G3BP1: variants seen among roughly 807,000 people sequenced by gnomAD.
The protein encoded by G3BP1 is G3BP stress granule assembly factor 1.
In G3BP1, 35 loss-of-function variants were observed where a neutral mutation model predicts 58.6. The ratio of observed to expected loss-of-function variants is 0.60; its 90% CI spans 0.46 to 0.79. The LOEUF (loss-of-function observed/expected upper bound fraction) is 0.79. Ranked by LOEUF, G3BP1 falls within the 30% of genes least tolerant of loss-of-function variation. The pLI is 0.00. For synonymous variants in G3BP1, 191 were observed against 195.4 expected (o/e 0.98, Z 0.19); for missense variants, 523 against 580.8 (o/e 0.90, Z 1.02).
rs189806161 is a variant in G3BP1 at position 151,810,008 on chromosome 5, C to G, written c.*5917C>G. On this transcript the variant is annotated 3_prime_UTR_variant, in exon 12 of 12. Transcript: ENST00000356245. ...CAGCTGTAATTTCTCCTAAATACTT[C>G]AGCATTTTGCATTCTGTACATTGTG... 9 of 152,300 alleles carry G rather than the reference C, an allele frequency of 5.9e-5. No individual in the cohort carries two copies. Among genetic ancestry groups the G allele is most frequent in the Admixed American group, 5.2e-4 (8 of 15,310 alleles). The allele number at this position is 152,300 out of a possible 1,614,324, so 9.4% of individuals were successfully genotyped here. A position where few individuals can be genotyped will look rare whatever the true frequency, so the allele number is the denominator to read the frequency against.
chr5:151,798,143 TAATAGGTG>T lies in G3BP1; in HGVS notation c.741+717_741+724del, dbSNP rs147610364. 3.8e-3 allele frequency among the ~76,000 whole-genome samples: 582 copies of T among 152,324 alleles called. 6 individuals carry two copies. Among genetic ancestry groups the T allele is most frequent in the African/African-American group, 0.013 (539 of 41,580 alleles). ...ATAGGGGTTCTTGTTCTCTGGCAGC[TAATAGGTG>T]AGTAGGAAAGAGCAATGTTGAAATG... On this transcript the variant is annotated intron_variant, in intron 7 of 11. Transcript: ENST00000356245.
At chr5:151,772,757 G>T (rs1561528524) in intron 1 of G3BP1, 1 of 152,276 alleles carries the variant, frequency 6.6e-6, no homozygotes. Context: ...GCGGGGATTT[G>T]TTGACGCCGG....
intron 1 of G3BP1, among the ~76,000 whole-genome samples, chr5:151,774,131 C>T (rs144791752): frequency 1.3e-3 from 205 of 152,330 alleles, no homozygotes; most frequent in Middle Eastern, 0.01. Flanking sequence ...GGCTGCCCTA[C>T]ATCCCTACCA....
chr5:151,772,284 C>T (rs1762280519), intron 1 of G3BP1: 1 of 151,480 alleles, frequency 6.6e-6, no homozygotes, highest in Admixed American at 6.6e-5. Flanking sequence ...CGTCCAACGG[C>T]CTCGCGGGGC....
rs1416403890 is a variant in G3BP1, at chr5:151,806,610, G to A, written c.*2519G>A. On this transcript the variant is annotated 3_prime_UTR_variant, in exon 12 of 12. Coordinates refer to ENST00000356245, the MANE Select transcript of G3BP1 (RefSeq NM_005754.3). ...TGTAGAGTAAACCTGAGAGCTTAGA[G>A]ATGTATACGTTTCCACTGCTGGAAA... 1 of 152,200 alleles carries A rather than the reference G, an allele frequency of 6.6e-6. No homozygotes were observed. The highest frequency in any genetic ancestry group is 1.5e-5 in the Non-Finnish European group (1 of 68,050). 9.4% of individuals were successfully genotyped at this position (152,200 alleles called of 1,614,324 possible). A position where few individuals can be genotyped will look rare whatever the true frequency, so the allele number is the denominator to read the frequency against.
Position 151,800,238 on chromosome 5 carries a change from G to T in G3BP1, c.976G>T (p.Gly326Cys). Reference sequence around the variant, plus strand: ...TTAAGTCCGTGAGGCTGGTGAGCAAGGTGACATTGAACCCCGAAGAATGGT... The same window carrying T: ...TTAAGTCCGTGAGGCTGGTGAGCAATGTGACATTGAACCCCGAAGAATGGT... ...PRPIREAGEQ[G>C]DIEPRRMVRH... is the part of the protein sequence containing the mutation. The change falls in exon 10 of 12, where the codon GGT becomes TGT. Residue 326 changes from glycine to cysteine, a missense_variant. Gly to Cys is a radical substitution (Grantham distance 159). Around this residue, in one of 2 missense-constraint regions of G3BP1, gnomAD observed 398 missense variants for 399.1 expected, o/e 1.00. Coordinates refer to ENST00000356245, the MANE Select transcript of G3BP1 (RefSeq NM_005754.3). 1 of 1,612,782 alleles carries T rather than the reference G, an allele frequency of 6.2e-7. No homozygotes were observed. The highest frequency in any genetic ancestry group is 1.3e-5 in the African/African-American group (1 of 75,002).
intron 11 of G3BP1, among the ~76,000 whole-genome samples, chr5:151,802,671 C>T (rs113432440): frequency 3.5e-4 from 54 of 152,312 alleles, no homozygotes; most frequent in African/African-American, 1.3e-3. Flanking sequence ...CAGTGGCTCA[C>T]GCCTGTAATC....
At chr5:151,796,546 G>A (rs1439532838) in intron 6 of G3BP1, among the ~76,000 whole-genome samples, 2 of 152,192 alleles carry the variant, frequency 1.3e-5, no homozygotes, top group East Asian at 3.8e-4. Context: ...GGGATTACAG[G>A]TGTGTGCCCA....
At chr5:151,782,099 C>T (rs528090168) in intron 1 of G3BP1, among the ~76,000 whole-genome samples, 1 of 152,000 alleles carries the variant, frequency 6.6e-6, no homozygotes, top group East Asian at 1.9e-4. Flanking sequence ...AAATGGTTTT[C>T]TTCTTTATAG....
chr5:151,800,972 A>G (rs1041201158), intron 11 of G3BP1, 103 bp downstream of exon 11: 58 of 608,952 alleles, frequency 9.5e-5, no homozygotes, highest in Middle Eastern at 8.6e-4. Flanking sequence ...AGTGCAGTTT[A>G]TTCCAACATG....
At chr5:151,787,828 G>T (rs1169667394) in intron 2 of G3BP1, 1 of 231,396 alleles carries the variant, frequency 4.3e-6, no homozygotes. Flanking sequence ...TATTCAATAT[G>T]AATATTTTCA....
At position 151,778,502 on chromosome 5, in the gene G3BP1, C is replaced by T. The variant is rs184843846; in HGVS notation, c.-50+6466C>T. Among the ~76,000 whole-genome samples the T allele has an allele frequency of 3.0e-4, 46 of 152,148 alleles. No homozygotes were observed. In the East Asian group the frequency reaches 8.3e-3, roughly 28 times the overall value. ...TGTTGCCCGGGCTGGAGTGCAGTGGCGCCATCTCTGCTCACTACAACCTCT... is the reference window on the plus strand; with the variant it reads ...TGTTGCCCGGGCTGGAGTGCAGTGGTGCCATCTCTGCTCACTACAACCTCT... On this transcript the variant is annotated intron_variant, in intron 1 of 11. Coordinates refer to ENST00000356245, the MANE Select transcript of G3BP1 (RefSeq NM_005754.3).
Position 151,800,019 on chromosome 5 carries a change from G to T in G3BP1, c.955+19G>T, listed in dbSNP as rs201289819. ...AGACCAAGTAAGAGCTCAGAAGGGC[G>T]ATTTCTCGTTTGGGGGATTTTGAGG... On this transcript the variant is annotated intron_variant, in intron 9 of 11. Coordinates refer to ENST00000356245, the MANE Select transcript of G3BP1 (RefSeq NM_005754.3). The T allele has an allele frequency of 7.4e-6, 11 of 1,483,438 alleles. No individual in the cohort carries two copies. The highest frequency in any genetic ancestry group is 4.2e-5 in the African/African-American group (3 of 71,972). The allele number at this position is 1,483,438 out of a possible 1,614,324, so 91.9% of individuals were successfully genotyped here.
At position 151,790,486 on chromosome 5, in the gene G3BP1, T is replaced by G. The variant is rs1307990240; in HGVS notation, c.177+82T>G. On this transcript the variant is annotated intron_variant, in intron 3 of 11. Coordinates refer to ENST00000356245, the MANE Select transcript of G3BP1 (RefSeq NM_005754.3). ...TTGAAGTGGATCATACTTAATAGAT[T>G]TGCTGATAAAGATCCAGTTTCTCAA... The G allele has an allele frequency of 8.9e-6, 6 of 672,830 alleles. No homozygotes were observed. In the Admixed American group the frequency reaches 1.6e-4, roughly 18 times the overall value. 41.7% of individuals were successfully genotyped at this position (672,830 alleles called of 1,614,324 possible).
At chr5:151,773,155 A>AT (rs961592312) in intron 1 of G3BP1, among the ~76,000 whole-genome samples, 4 of 150,102 alleles carry the variant, frequency 2.7e-5, no homozygotes, top group East Asian at 2.0e-4. Context: ...TAGACGTTGA[A>AT]TTTTTTTTTC....
At chr5:151,790,569 A>G (rs959684658) in intron 3 of G3BP1, among the ~76,000 whole-genome samples, 165 bp downstream of exon 3, 4 of 152,184 alleles carry the variant, frequency 2.6e-5, no homozygotes, top group Non-Finnish European at 4.4e-5. Context: ...TTGTTGAAAT[A>G]CTTATGTGAT....
At chr5:151,775,512 C>T (rs1158349343) in intron 1 of G3BP1, among the ~76,000 whole-genome samples, 3 of 152,216 alleles carry the variant, frequency 2.0e-5, no homozygotes, top group African/African-American at 7.2e-5. Context: ...ATTGAAAAAT[C>T]TTAGAGGGAT....
chr5:151,786,493 C>A, intron 1 of G3BP1, 79 bp from the exon 2 acceptor site: 1 of 683,172 alleles, frequency 1.5e-6, no homozygotes. Context: ...ATGTTTTAAA[C>A]GACTTGCTGA....
chr5:151,786,120 C>T (rs998635476), intron 1 of G3BP1, among the ~76,000 whole-genome samples: 5 of 152,034 alleles, frequency 3.3e-5, no homozygotes, highest in South Asian at 2.1e-4. Context: ...AGTGAAATCC[C>T]GTGCTAAAAA....
Sources: gnomAD v4.1 joint callset for allele counts (sites outside exome capture counted in the v4.1 genomes callset) on GRCh38, gnomAD v4.1.1 for gene constraint, gnomAD v4.1.1 regional missense constraint, MANE v1.5 for transcripts, NCBI Gene and HGNC (gene_info 2026-07-23, HGNC 2026-07-21) for gene names.